Variants in ZNF257 observed in about 807,000 individuals in gnomAD.
ZNF257 encodes the protein bone marrow zinc finger 4.
In ZNF257, 12 loss-of-function variants were observed where a neutral mutation model predicts 11.9. The ratio of observed to expected loss-of-function variants is 1.01; its 90% CI spans 0.65 to 1.63. The LOEUF (loss-of-function observed/expected upper bound fraction) is 1.63. ZNF257 is among the 40% of genes most tolerant of loss of function. ZNF257 has a pLI of 0.00. For synonymous variants in ZNF257, 183 were observed against 222.7 expected (o/e 0.82, Z 1.59); for missense variants, 580 against 665.5 (o/e 0.87, Z 1.41).
rs747677743 is a variant in ZNF257, at chr19:22,088,720, G to C, written c.970G>C (p.Ala324Pro). 5.3e-5 allele frequency: 86 copies of C among 1,612,300 alleles called. No individual in the cohort carries two copies. Among genetic ancestry groups the C allele is most frequent in the South Asian group, 3.7e-4 (34 of 91,002 alleles). Residue 324 changes from alanine to proline, a missense_variant, in exon 4 of 4, where the codon GCC becomes CCC. Coordinates refer to ENST00000594947, the MANE Select transcript of ZNF257 (RefSeq NM_033468.4). ...KPYKCEECGK[A>P]FNQSSALTRH... Reference sequence around the variant, plus strand: ...CTACAAATGTGAAGAGTGTGGCAAAGCCTTTAACCAGTCCTCAGCCCTTAC... The same window carrying C: ...CTACAAATGTGAAGAGTGTGGCAAACCCTTTAACCAGTCCTCAGCCCTTAC...
intron 3 of ZNF257, chr19:22,074,332 GTTCTCAGAAATTTA>G (rs2022177174): frequency 6.6e-6 from 1 of 151,790 alleles, no homozygotes; most frequent in Admixed American, 6.6e-5. Flanking sequence ...GGTCAAATTT[GTTCTCAGAAATTTA>G]TTTATTTATT....
At chr19:22,085,690 GCACACA>G (rs77765830) in intron 3 of ZNF257, among the ~76,000 whole-genome samples, 8 of 147,972 alleles carry the variant, frequency 5.4e-5, no homozygotes, top group African/African-American at 1.5e-4. Flanking sequence ...ACACACACAT[GCACACA>G]CACACACACA....
At chr19:22,059,735 T>C (rs1209055078) in intron 1 of ZNF257, among the ~76,000 whole-genome samples, 9 of 151,862 alleles carry the variant, frequency 5.9e-5, no homozygotes, top group African/African-American at 2.2e-4. Flanking sequence ...ATTTTATTTA[T>C]ATTTGAAGAA....
chr19:22,079,409 A>G (rs1319966698), intron 3 of ZNF257, among the ~76,000 whole-genome samples: 1 of 152,162 alleles, frequency 6.6e-6, no homozygotes, highest in Non-Finnish European at 1.5e-5. Flanking sequence ...TGCTACTAAT[A>G]AGAACATACC....
In ZNF257 at chr19:22,089,153, T is replaced by TTA. The variant is rs547219667; in HGVS notation, c.1404_1405dup (p.Asn469IlefsTer12). ...AAATGTGAAGAGTGTGGCAAAGCCT[T>TTA]TAACCAGTCTTCACACCTTACTCAA... On this transcript the variant is annotated frameshift_variant, in exon 4 of 4. Coordinates refer to ENST00000594947, the MANE Select transcript of ZNF257 (RefSeq NM_033468.4). LOFTEE classifies it low-confidence loss of function (END_TRUNC). 3 of 1,613,680 alleles carry TTA rather than the reference T, an allele frequency of 1.9e-6. No individual in the cohort carries two copies. The South Asian group carries it at 3.3e-5, about 18-fold the overall frequency.
chr19:22,066,515 A>T (rs894607421), intron 1 of ZNF257: 1 of 152,392 alleles, frequency 6.6e-6, no homozygotes, highest in Non-Finnish European at 1.5e-5. Context: ...TCAAGAGAGG[A>T]CACTGGTGAC....
intron 3 of ZNF257, among the ~76,000 whole-genome samples, chr19:22,082,471 G>A (rs1043586458): frequency 6.6e-6 from 1 of 152,102 alleles, no homozygotes; most frequent in African/African-American, 2.4e-5. Context: ...ACTGTGCCTC[G>A]CCACCATGTA....
At chr19:22,075,967 A>C (rs747730580) in intron 3 of ZNF257, 5 of 152,068 alleles carry the variant, frequency 3.3e-5, no homozygotes, top group Admixed American at 1.3e-4. Flanking sequence ...TATCTTATTA[A>C]TGTCACCCTT....
At chr19:22,087,487 A>G in intron 3 of ZNF257, 1 of 1,012,282 alleles carries the variant, frequency 9.9e-7, no homozygotes, top group Middle Eastern at 3.6e-4. Context: ...CTTTGGTCTC[A>G]GCAGTCTCAA....
intron 1 of ZNF257, among the ~76,000 whole-genome samples, chr19:22,058,831 A>G (rs2145685872): frequency 6.6e-6 from 1 of 152,218 alleles, no homozygotes; most frequent in East Asian, 1.9e-4. Flanking sequence ...CTAGACATTG[A>G]GGTGTCTACA....
At chr19:22,058,755 G>A (rs533653538) in intron 1 of ZNF257, among the ~76,000 whole-genome samples, 34 of 152,188 alleles carry the variant, frequency 2.2e-4, no homozygotes, top group African/African-American at 7.7e-4. Flanking sequence ...AAAGAAGCTC[G>A]GATAGCAGAT....
At chr19:22,083,428 G>A (rs774098436) in intron 3 of ZNF257, among the ~76,000 whole-genome samples, 7 of 152,172 alleles carry the variant, frequency 4.6e-5, no homozygotes, top group South Asian at 4.2e-4. Context: ...CCAAGATCGC[G>A]CCATTGCACT....
intron 1 of ZNF257, among the ~76,000 whole-genome samples, chr19:22,061,650 G>A (rs2021797283): frequency 6.6e-6 from 1 of 150,538 alleles, no homozygotes; most frequent in Non-Finnish European, 1.5e-5. Context: ...TGATTGCTGT[G>A]GCTAGGACTT....
At chr19:22,057,186 A>G (rs778564774) in intron 1 of ZNF257, among the ~76,000 whole-genome samples, 50 of 152,170 alleles carry the variant, frequency 3.3e-4, no homozygotes, top group Admixed American at 2.0e-4. Flanking sequence ...AACTTTTCTT[A>G]TTGGGTATGA....
At chr19:22,073,433 T>G in intron 2 of ZNF257, 36 bp from the exon 3 acceptor site, 1 of 1,580,676 alleles carries the variant, frequency 6.3e-7, no homozygotes, top group Non-Finnish European at 8.6e-7. Context: ...TTGGAGAATA[T>G]GAGCAAGATG....
At chr19:22,061,106 C>CT (rs60375287) in intron 1 of ZNF257, among the ~76,000 whole-genome samples, 16 of 146,448 alleles carry the variant, frequency 1.1e-4, no homozygotes, top group East Asian at 4.0e-4. Flanking sequence ...TATTTGGGCT[C>CT]TTTTTTTTTT....
chr19:22,087,475 A>G, intron 3 of ZNF257: 1 of 865,242 alleles, frequency 1.2e-6, no homozygotes, highest in Non-Finnish European at 1.5e-6. Context: ...TGTAACATTT[A>G]CCTTTGGTCT....
intron 1 of ZNF257, among the ~76,000 whole-genome samples, chr19:22,066,805 G>T (rs567472839): frequency 6.6e-6 from 1 of 152,286 alleles, no homozygotes; most frequent in African/African-American, 2.4e-5. Flanking sequence ...GCATGGTGTT[G>T]TAAATTTTTC....
chr19:22,072,992 TTA>T, intron 2 of ZNF257, 57 bp downstream of exon 2: 3 of 1,430,032 alleles, frequency 2.1e-6, no homozygotes, highest in Non-Finnish European at 2.7e-6. Context: ...TATTTTTTAT[TTA>T]TTTTTTTTTT....
Sources: gnomAD v4.1 joint callset for allele counts (sites outside exome capture counted in the v4.1 genomes callset) on GRCh38, gnomAD v4.1.1 for gene constraint, MANE v1.5 for transcripts, NCBI Gene and HGNC (gene_info 2026-07-23, HGNC 2026-07-21) for gene names.